Variants in PCDH7 observed in about 807,000 individuals in gnomAD.
PCDH7 encodes the protein protocadherin-7.
Under a neutral mutation model 58.9 loss-of-function variants are expected in PCDH7, and 17 were observed. The ratio of observed to expected loss-of-function variants is 0.29; its 90% CI spans 0.20 to 0.43. The LOEUF is 0.43. Ranked by LOEUF, PCDH7 falls within the 20% of genes least tolerant of loss-of-function variation. The pLI, the probability that PCDH7 is intolerant of heterozygous loss-of-function variation, is 1.00. For missense variants in PCDH7, 1,274 were observed against 1,441.0 expected (o/e 0.88, Z 1.88); for synonymous variants, 664 against 616.4 (o/e 1.08, Z -1.14).
intron 1 of PCDH7, among the ~76,000 whole-genome samples, chr4:30,898,089 A>C (rs73812664): frequency 0.014 from 2,157 of 152,314 alleles, 44 homozygotes; most frequent in African/African-American, 0.049. Flanking sequence ...ATACATTAAA[A>C]AGTAGAGTTC....
intron 3 of PCDH7, among the ~76,000 whole-genome samples, chr4:30,986,192 T>A (rs1750950423): frequency 6.6e-6 from 1 of 152,122 alleles, no homozygotes. Flanking sequence ...TAGTATGGAG[T>A]CTGAGACATC....
intron 3 of PCDH7, among the ~76,000 whole-genome samples, chr4:30,986,859 T>C (rs1370173631): frequency 2.6e-5 from 4 of 151,846 alleles, no homozygotes; most frequent in African/African-American, 9.7e-5. Context: ...TGGGCGCCTG[T>C]AGTCCCAGCT....
At chr4:31,108,684 G>A (rs2109308644) in intron 3 of PCDH7, among the ~76,000 whole-genome samples, 2 of 152,262 alleles carry the variant, frequency 1.3e-5, no homozygotes, top group Admixed American at 1.3e-4. Flanking sequence ...CTGGTGTAAA[G>A]CAACTGTGCA....
Position 31,031,276 on chromosome 4 carries a change from C to T in PCDH7, c.*7+81061C>T, listed in dbSNP as rs766781222. Among the ~76,000 whole-genome samples the T allele has an allele frequency of 2.6e-5, 4 of 152,194 alleles. 1 individual carries two copies. Among genetic ancestry groups the T allele is most frequent in the Non-Finnish European group, 4.4e-5 (3 of 68,030 alleles). On this transcript the variant is annotated intron_variant, in intron 3 of 3. Coordinates refer to the PCDH7 transcript ENST00000509759. The stretch of plus-strand genomic sequence containing the variant: ...GAGACATTTTTGTTTGTCACAACAA[C>T]GGGGATGCAACTGGCATTTAGTAAG...
chr4:31,029,256 G>A (rs1194990205), intron 3 of PCDH7, among the ~76,000 whole-genome samples: 1 of 152,134 alleles, frequency 6.6e-6, no homozygotes. Flanking sequence ...TTTTTTTGGT[G>A]TTGGAGATTC....
At position 30,745,033 on chromosome 4, in the gene PCDH7, C is replaced by T. The variant is rs1717584420; in HGVS notation, c.70+20437C>T. ...CTTCAGATGGAACTTTTGCCATCAT[C>T]GAGGAGATTGAAAATAGAGGGACAG... On this transcript the variant is annotated intron_variant, in intron 1 of 3. Coordinates refer to the PCDH7 transcript ENST00000509759. 2.0e-5 allele frequency among the ~76,000 whole-genome samples: 3 copies of T among 151,922 alleles called. No homozygotes were observed. In the East Asian group the frequency reaches 5.8e-4, roughly 29 times the overall value.
At chr4:31,051,581 C>A (rs1276763641) in intron 3 of PCDH7, among the ~76,000 whole-genome samples, 1 of 148,308 alleles carries the variant, frequency 6.7e-6, no homozygotes, top group Non-Finnish European at 1.5e-5. Context: ...GATTCTATTT[C>A]TTTATTCGGA....
chr4:30,982,996 T>A (rs1416882678), intron 3 of PCDH7, among the ~76,000 whole-genome samples: 3 of 152,202 alleles, frequency 2.0e-5, no homozygotes, highest in African/African-American at 7.2e-5. Flanking sequence ...TTCTGCAAAA[T>A]CAAGTTTGTC....
intron 1 of PCDH7, among the ~76,000 whole-genome samples, chr4:30,839,526 G>A (rs964412036): frequency 6.6e-6 from 1 of 152,106 alleles, no homozygotes; most frequent in African/African-American, 2.4e-5. Context: ...TGGGGGTCAC[G>A]GTAATTTTTA....
intron 3 of PCDH7, among the ~76,000 whole-genome samples, chr4:31,134,440 C>G (rs554509852): frequency 1.4e-4 from 22 of 152,224 alleles, no homozygotes; most frequent in African/African-American, 3.4e-4. Context: ...AACCTGGTGA[C>G]AGAGCTAGAC....
chr4:31,039,660 A>G (rs930173085), intron 3 of PCDH7, among the ~76,000 whole-genome samples: 45 of 152,182 alleles, frequency 3.0e-4, no homozygotes, highest in Admixed American at 6.5e-4. Context: ...CTGGAACAAT[A>G]TAAGAGAATT....
At chr4:30,736,954 G>C (rs1716390856), downstream of PCDH7, among the ~76,000 whole-genome samples, 1 of 152,148 alleles carries the variant, frequency 6.6e-6, no homozygotes. Context: ...TCTCCATTCT[G>C]ATTGCAAAAT....
chr4:30,869,322 A>G (rs1735252943), intron 1 of PCDH7, among the ~76,000 whole-genome samples: 1 of 152,096 alleles, frequency 6.6e-6, no homozygotes, highest in Admixed American at 6.6e-5. Context: ...TCTGGGATAC[A>G]TGGGCAGCAC....
At chr4:30,881,978 C>A (rs1228797984) in intron 1 of PCDH7, among the ~76,000 whole-genome samples, 1 of 152,096 alleles carries the variant, frequency 6.6e-6, no homozygotes, top group Non-Finnish European at 1.5e-5. Context: ...TTAAAGGCTA[C>A]CAAGTGTGAA....
intron 3 of PCDH7, among the ~76,000 whole-genome samples, chr4:31,140,508 G>GA (rs59590919): frequency 0.016 from 1,974 of 123,056 alleles, 46 homozygotes; most frequent in African/African-American, 0.055. Flanking sequence ...TTGAAGCAGT[G>GA]AAAAAAAAAA....
chr4:30,811,059 A>G (rs1726928644), intron 1 of PCDH7, among the ~76,000 whole-genome samples: 1 of 152,224 alleles, frequency 6.6e-6, no homozygotes, highest in Admixed American at 6.5e-5. Flanking sequence ...ATCATGGTTT[A>G]CCATGACGGA....
At chr4:31,095,182 T>G (rs2109291034) in intron 3 of PCDH7, among the ~76,000 whole-genome samples, 1 of 152,246 alleles carries the variant, frequency 6.6e-6, no homozygotes, top group African/African-American at 2.4e-5. Flanking sequence ...TTCCTTTTAT[T>G]TTAGGTTGTT....
chr4:30,910,003 G>A (rs1227398316), intron 1 of PCDH7, among the ~76,000 whole-genome samples: 2 of 152,176 alleles, frequency 1.3e-5, no homozygotes, highest in East Asian at 1.9e-4. Flanking sequence ...ACAGAATGGA[G>A]GCCTCAGAAA....
chr4:30,900,652 G>A (rs957333808), intron 1 of PCDH7, among the ~76,000 whole-genome samples: 110 of 152,276 alleles, frequency 7.2e-4, no homozygotes, highest in African/African-American at 2.6e-3. Context: ...TGGTTCTGAT[G>A]CAGTATGTCA....
Sources: allele counts gnomAD v4.1 joint callset (sites outside exome capture counted in the v4.1 genomes callset), GRCh38; gene constraint gnomAD v4.1.1; transcripts MANE v1.5; gene names NCBI Gene and HGNC (gene_info 2026-07-23, HGNC 2026-07-21).